Variants in HS2ST1 observed in about 807,000 individuals in gnomAD.
The protein encoded by HS2ST1 is 2-O-sulfotransferase.
Under a neutral mutation model 42.9 loss-of-function variants are expected in HS2ST1, and 18 were observed. The observed-to-expected ratio is 0.42, with a 90% CI of 0.29 to 0.62. The LOEUF (loss-of-function observed/expected upper bound fraction) is 0.62, where lower values mean the gene tolerates loss of function less well. Among genes scored for constraint, HS2ST1 ranks in the 20% least tolerant of loss-of-function variants. HS2ST1 has a pLI of 0.21. For synonymous variants in HS2ST1, 146 were observed against 152.9 expected (o/e 0.95, Z 0.33); for missense variants, 334 against 433.8 (o/e 0.77, Z 2.04).
intron 1 of HS2ST1, among the ~76,000 whole-genome samples, chr1:86,993,912 A>G (rs557665520): frequency 6.6e-6 from 1 of 152,296 alleles, no homozygotes; most frequent in African/African-American, 2.4e-5. Context: ...CTGAGCTGAT[A>G]AGCAGTGTTG....
chr1:86,954,649 T>C (rs560701687), intron 1 of HS2ST1, among the ~76,000 whole-genome samples: 18 of 152,334 alleles, frequency 1.2e-4, no homozygotes, highest in Admixed American at 1.0e-3. Flanking sequence ...TAGAATTGGC[T>C]AAGTCAAAGC....
chr1:87,095,740 G>GTT (rs1224160979), intron 4 of HS2ST1, among the ~76,000 whole-genome samples: 4 of 151,722 alleles, frequency 2.6e-5, no homozygotes, highest in Non-Finnish European at 5.9e-5. Flanking sequence ...GTTTTGTTTT[G>GTT]TTTTGTTTTG....
intron 1 of HS2ST1, among the ~76,000 whole-genome samples, chr1:86,954,567 G>C (rs1416319393): frequency 6.6e-6 from 1 of 152,194 alleles, no homozygotes; most frequent in Non-Finnish European, 1.5e-5. Context: ...TATAGGATCA[G>C]TAACCAGTGT....
intron 1 of HS2ST1, among the ~76,000 whole-genome samples, chr1:86,992,358 C>CT (rs1292639850): frequency 2.0e-5 from 3 of 148,694 alleles, no homozygotes; most frequent in African/African-American, 7.5e-5. Context: ...TTAATTTTCT[C>CT]TTTCTTTTTT....
intron 2 of HS2ST1, among the ~76,000 whole-genome samples, chr1:87,081,156 G>C (rs986772189): frequency 6.6e-5 from 10 of 152,116 alleles, no homozygotes; most frequent in African/African-American, 1.9e-4. Context: ...AGAACACCCA[G>C]ACAGAAAAAC....
intron 1 of HS2ST1, among the ~76,000 whole-genome samples, chr1:87,068,741 T>G (rs1651318631): frequency 6.6e-6 from 1 of 152,210 alleles, no homozygotes; most frequent in Admixed American, 6.5e-5. Flanking sequence ...ATATTGTATA[T>G]TGCATGCTGT....
intron 4 of HS2ST1, among the ~76,000 whole-genome samples, 180 bp downstream of exon 4, chr1:87,092,849 T>C (rs1308136884): frequency 6.6e-6 from 1 of 152,050 alleles, no homozygotes; most frequent in Non-Finnish European, 1.5e-5. Flanking sequence ...TATATTGTAA[T>C]ATACATTTTT....
At chr1:87,071,277 GAA>G (rs1651396820) in intron 1 of HS2ST1, among the ~76,000 whole-genome samples, 1 of 152,136 alleles carries the variant, frequency 6.6e-6, no homozygotes, top group Non-Finnish European at 1.5e-5. Flanking sequence ...GACAATATTT[GAA>G]GTCTGCACTT....
chr1:86,922,419 T>TTGTGTGTGTGTGTGTGTGTGTGTG (rs150775849), intron 1 of HS2ST1, among the ~76,000 whole-genome samples: 1 of 147,742 alleles, frequency 6.8e-6, no homozygotes, highest in Admixed American at 6.8e-5. Context: ...GTTCTTCATT[T>TTGTGTGTGTGTGTGTGTGTGTGTG]TGTGTGTGTG....
intron 1 of HS2ST1, among the ~76,000 whole-genome samples, chr1:86,986,211 A>AT (rs1427833565): frequency 3.3e-5 from 5 of 151,906 alleles, no homozygotes; most frequent in African/African-American, 1.2e-4. Flanking sequence ...AGTGGGTTTT[A>AT]TTTTCAAGTA....
chr1:87,034,787 C>G (rs1341084195), intron 1 of HS2ST1, among the ~76,000 whole-genome samples: 1 of 152,128 alleles, frequency 6.6e-6, no homozygotes, highest in African/African-American at 2.4e-5. Context: ...TTGTTTTCAG[C>G]TAAATAATGG....
Position 86,963,743 on chromosome 1 carries a change from C to T in HS2ST1, c.124+48583C>T, listed in dbSNP as rs1388362472. Among the ~76,000 whole-genome samples, 3 of 25,388 alleles carry T rather than the reference C, an allele frequency of 1.2e-4. 1 individual carries two copies. Among genetic ancestry groups the T allele is most frequent in the African/African-American group, 2.7e-4 (3 of 11,178 alleles). 16.7% of individuals were successfully genotyped at this position (25,388 alleles called of 152,430 possible). Reference sequence around the variant, plus strand: ...CCCAGAAGGGGCGGCCAGGCAGAGGCGCCCCCCCCCCCACCTCCCGGACGG... The same window carrying T: ...CCCAGAAGGGGCGGCCAGGCAGAGGTGCCCCCCCCCCCACCTCCCGGACGG... On this transcript the variant is annotated intron_variant, in intron 1 of 6. Transcript: ENST00000370550.
chr1:87,043,020 T>C (rs1570506685), intron 1 of HS2ST1, among the ~76,000 whole-genome samples: 1 of 151,962 alleles, frequency 6.6e-6, no homozygotes, highest in Non-Finnish European at 1.5e-5. Context: ...ATTCTTCCTT[T>C]CCCCCAGCCG....
chr1:87,008,265 A>G (rs1322504580), intron 1 of HS2ST1, among the ~76,000 whole-genome samples: 3 of 152,202 alleles, frequency 2.0e-5, no homozygotes, highest in African/African-American at 4.8e-5. Context: ...AGAAAAGTCC[A>G]GTAGGTTATA....
intron 1 of HS2ST1, among the ~76,000 whole-genome samples, chr1:87,040,700 T>C (rs558928968): frequency 8.0e-4 from 122 of 152,218 alleles, no homozygotes; most frequent in African/African-American, 2.7e-3. Flanking sequence ...ATTATTTCTG[T>C]AATTAGGCAC....
At chr1:86,995,213 G>A (rs1181556796) in intron 1 of HS2ST1, among the ~76,000 whole-genome samples, 1 of 152,070 alleles carries the variant, frequency 6.6e-6, no homozygotes, top group Non-Finnish European at 1.5e-5. Flanking sequence ...TGACCTATTT[G>A]TTTTCAAAAG....
In HS2ST1 at chr1:86,968,836, TG is replaced by T. The variant is rs1648145077; in HGVS notation, c.124+53679del. 3.3e-5 allele frequency among the ~76,000 whole-genome samples: 5 copies of T among 152,348 alleles called. No homozygotes were observed. The South Asian group carries it at 1.0e-3, about 32-fold the overall frequency. ...TTAAGATGCCAAGAAATCATATTTT[TG>T]GGAATTTAACTCTGTTAAAAATGAA... is the stretch of plus-strand genomic sequence containing the variant. On this transcript the variant is annotated intron_variant, in intron 1 of 6. Transcript: ENST00000370550.
rs945616554 is a variant in HS2ST1, at chr1:87,109,030, T to C, written c.*4334T>C. On this transcript the variant is annotated 3_prime_UTR_variant, in exon 7 of 7. Transcript: ENST00000370550. ...CCACTCCATTCAGTTGATTCATTTATGCAAATTCTGTTTCCAACTTGAAAC... is the reference window on the plus strand; with the variant it reads ...CCACTCCATTCAGTTGATTCATTTACGCAAATTCTGTTTCCAACTTGAAAC... 4 of 152,532 alleles carry C rather than the reference T, an allele frequency of 2.6e-5. No individual in the cohort carries two copies. Among genetic ancestry groups the C allele is most frequent in the Non-Finnish European group, 5.9e-5 (4 of 67,950 alleles). The allele number at this position is 152,532 out of a possible 1,614,324, so 9.4% of individuals were successfully genotyped here.
At chr1:87,010,367 A>G (rs1557514422) in intron 1 of HS2ST1, among the ~76,000 whole-genome samples, 1 of 152,092 alleles carries the variant, frequency 6.6e-6, no homozygotes, top group Non-Finnish European at 1.5e-5. Context: ...ATAGAATGTA[A>G]TTAGGAAATA....
Sources: allele counts gnomAD v4.1 joint callset (sites outside exome capture counted in the v4.1 genomes callset), GRCh38; gene constraint gnomAD v4.1.1; transcripts MANE v1.5; gene names NCBI Gene and HGNC (gene_info 2026-07-23, HGNC 2026-07-21).